The following DPEP1 variants were observed in gnomAD, a reference collection of about 807,000 sequenced individuals.
DPEP1 encodes beta-lactamase.
DPEP1 carries 50 observed loss-of-function variants against 42.3 expected under a neutral mutation model. That is an observed-to-expected ratio of 1.18 (90% confidence interval 0.94 to 1.50). The LOEUF (loss-of-function observed/expected upper bound fraction) is 1.50, where lower values mean the gene tolerates loss of function less well. Ranked by LOEUF, DPEP1 falls within the 40% of genes most tolerant of loss-of-function variation. The pLI is 0.00. For synonymous variants in DPEP1, 297 were observed against 234.0 expected (o/e 1.27, Z -2.46); for missense variants, 663 against 553.0 (o/e 1.20, Z -1.99).
chr16:89,622,345 C>T (rs894177584), intron 1 of DPEP1, among the ~76,000 whole-genome samples: 15 of 152,120 alleles, frequency 9.9e-5, no homozygotes, highest in South Asian at 2.1e-4. Flanking sequence ...CAACCAGAAC[C>T]GGTGGAAGAA....
intron 1 of DPEP1, among the ~76,000 whole-genome samples, chr16:89,627,011 C>G (rs1208068600): frequency 1.3e-5 from 2 of 151,612 alleles, no homozygotes; most frequent in East Asian, 1.9e-4. Context: ...CCTGTAATCC[C>G]AACACTTTGG....
intron 1 of DPEP1, among the ~76,000 whole-genome samples, chr16:89,624,211 C>A (rs1457135689): frequency 6.6e-6 from 1 of 152,014 alleles, no homozygotes; most frequent in Non-Finnish European, 1.5e-5. Flanking sequence ...CAAAGAAATC[C>A]CCGAGGCTGG....
chr16:89,632,407 C>G (rs764535523), intron 2 of DPEP1, among the ~76,000 whole-genome samples: 1 of 152,144 alleles, frequency 6.6e-6, no homozygotes, highest in Non-Finnish European at 1.5e-5. Context: ...CCTTGGCCAC[C>G]GCCAGCGACA....
At chr16:89,620,826 G>A (rs1039269323) in intron 1 of DPEP1, 17 of 152,428 alleles carry the variant, frequency 1.1e-4, no homozygotes, top group Non-Finnish European at 2.9e-5. Context: ...TGGTTTTGGG[G>A]AGCGTGCAGC....
At chr16:89,640,432 G>A (rs1181518121), downstream of DPEP1, among the ~76,000 whole-genome samples, 2 of 152,170 alleles carry the variant, frequency 1.3e-5, no homozygotes, top group African/African-American at 2.4e-5. Context: ...CACTAGCCAA[G>A]CCTTGGCTGG....
rs766145851 is a variant in DPEP1 at position 89,637,857 on chromosome 16, C to T, written c.951C>T (p.Asp317=). The change falls in exon 10 of 11, where the codon GAC becomes GAT. Residue 317 remains aspartate, a synonymous_variant. Coordinates refer to ENST00000690203, the MANE Select transcript of DPEP1 (RefSeq NM_001389466.1). ...GVPRVPEGLE[D]VSKYPDLIAE... ...ACAGGGTCCCTGAGGGGCTGGAGGA[C>T]GTCTCCAAGTATCCAGACCTGATCG... The T allele has an allele frequency of 2.4e-5, 38 of 1,612,654 alleles. No individual in the cohort carries two copies. The highest frequency in any genetic ancestry group is 8.8e-5 in the South Asian group (8 of 91,088).
chr16:89,627,704 A>G (rs1259522408), intron 1 of DPEP1, among the ~76,000 whole-genome samples: 1 of 105,004 alleles, frequency 9.5e-6, no homozygotes, highest in African/African-American at 3.7e-5. Context: ...TCTGCCACCC[A>G]GGCTGGAGTA....
rs2059712457 is a variant in DPEP1 at position 89,638,386 on chromosome 16, C to G, written c.*164C>G. 2.1e-6 allele frequency: 3 copies of G among 1,411,360 alleles called. No homozygotes were observed. The highest frequency in any genetic ancestry group is 1.6e-5 in the South Asian group (1 of 61,216). The allele number at this position is 1,411,360 out of a possible 1,614,324, so 87.4% of individuals were successfully genotyped here. A position where few individuals can be genotyped will look rare whatever the true frequency, so the allele number is the denominator to read the frequency against. On this transcript the variant is annotated 3_prime_UTR_variant, in exon 11 of 11. Transcript: ENST00000690203. The stretch of plus-strand genomic sequence containing the variant: ...GGGGGCAGGATGCCTGGGGACAGTT[C>G]AGGACACACACACAGTAGGCCCGCA...
intron 2 of DPEP1, 27 bp from the exon 3 acceptor site, chr16:89,635,881 G>T: frequency 6.4e-7 from 1 of 1,571,696 alleles, no homozygotes; most frequent in Non-Finnish European, 8.6e-7. Flanking sequence ...CGCCCTGACT[G>T]CCTGGCCTCT....
intron 1 of DPEP1, among the ~76,000 whole-genome samples, chr16:89,628,974 G>C (rs539025122): frequency 6.6e-6 from 1 of 151,952 alleles, no homozygotes; most frequent in East Asian, 1.9e-4. Flanking sequence ...CTACAGGTGC[G>C]CACCACCATG....
chr16:89,633,382 G>A (rs1030541523), intron 2 of DPEP1, among the ~76,000 whole-genome samples: 20 of 152,242 alleles, frequency 1.3e-4, no homozygotes, highest in African/African-American at 3.4e-4. Flanking sequence ...GGGTGGGGCC[G>A]GAAAGCGTGC....
chr16:89,637,803 G>A (rs777997526), intron 9 of DPEP1, 33 bp from the exon 10 acceptor site: 5 of 1,612,676 alleles, frequency 3.1e-6, no homozygotes, highest in South Asian at 1.1e-5. Context: ...GTGTCCTAGT[G>A]TGGGGGCCCA....
intron 6 of DPEP1, 103 bp from the exon 7 acceptor site, chr16:89,637,101 C>G (rs984887038): frequency 5.9e-6 from 9 of 1,535,188 alleles, no homozygotes; most frequent in East Asian, 2.3e-5. Context: ...TGGCCCCGGA[C>G]TTCCAGCCAC....
rs146764964 is a variant in DPEP1, at chr16:89,626,076, G to A, written c.-106-4229G>A. Among the ~76,000 whole-genome samples, 8 of 152,200 alleles carry A rather than the reference G, an allele frequency of 5.3e-5. No homozygotes were observed. In the East Asian group the frequency reaches 1.4e-3, roughly 26 times the overall value. ...ATGTGCCTCCCTCTACCTGCCCCCC[G>A]TCCTCCCGCCACTGTGAGGCCCTGA... On this transcript the variant is annotated intron_variant, in intron 1 of 10. Transcript: ENST00000690203.
At chr16:89,621,744 G>A (rs912939055) in intron 1 of DPEP1, among the ~76,000 whole-genome samples, 3 of 152,210 alleles carry the variant, frequency 2.0e-5, no homozygotes, top group African/African-American at 7.2e-5. Flanking sequence ...GCACGTGGAG[G>A]TATCTGAGTG....
At chr16:89,629,858 G>A (rs1189946335) in intron 1 of DPEP1, among the ~76,000 whole-genome samples, 3 of 152,222 alleles carry the variant, frequency 2.0e-5, no homozygotes, top group Admixed American at 6.5e-5. Flanking sequence ...TGGCTGTGCA[G>A]CAGCTTCCTG....
downstream of DPEP1, among the ~76,000 whole-genome samples, chr16:89,639,738 T>C (rs1179473565): frequency 1.3e-5 from 2 of 151,906 alleles, no homozygotes; most frequent in Non-Finnish European, 1.5e-5. Flanking sequence ...CAGGCTGGAG[T>C]GCAGTGGCAT....
intron 1 of DPEP1, among the ~76,000 whole-genome samples, chr16:89,624,733 C>T (rs1382787768): frequency 6.6e-6 from 1 of 152,008 alleles, no homozygotes; most frequent in Non-Finnish European, 1.5e-5. Context: ...CGGGGTTTTT[C>T]TTTGTTGGCC....
At chr16:89,620,178 C>T (rs927692143) in intron 1 of DPEP1, among the ~76,000 whole-genome samples, 4 of 152,012 alleles carry the variant, frequency 2.6e-5, no homozygotes, top group Non-Finnish European at 1.5e-5. Context: ...GGGAGATCAA[C>T]CCATCGCACT....
Sources: gnomAD v4.1 joint callset for allele counts (sites outside exome capture counted in the v4.1 genomes callset) on GRCh38, gnomAD v4.1.1 for gene constraint, MANE v1.5 for transcripts, NCBI Gene and HGNC (gene_info 2026-07-23, HGNC 2026-07-21) for gene names.